Variants in ANKRD36C observed in about 807,000 individuals in gnomAD.
ANKRD36C encodes the protein ankyrin repeat domain 36C, also known as ankyrin repeat domain-containing protein 36C.
Under a neutral mutation model 276.4 loss-of-function variants are expected in ANKRD36C, and 61 were observed. The observed-to-expected ratio is 0.22, with a 90% confidence interval of 0.18 to 0.27. The LOEUF is 0.27. Among genes scored for constraint, ANKRD36C ranks in the 10% least tolerant of loss-of-function variants. ANKRD36C has a pLI of 1.00. For missense variants in ANKRD36C, 1,447 were observed against 2,032.3 expected (o/e 0.71, Z 5.54); for synonymous variants, 483 against 680.1 (o/e 0.71, Z 4.51).
intron 57 of ANKRD36C, 45 bp from the exon 78 acceptor site, chr2:95,880,544 G>T (rs1233780568): frequency 5.9e-6 from 9 of 1,532,844 alleles, no homozygotes; most frequent in Non-Finnish European, 8.0e-6. Context: ...GATGTATATT[G>T]GTATAGGTTA....
intron 59 of ANKRD36C, among the ~76,000 whole-genome samples, chr2:95,872,312 C>G (rs1043358488): frequency 2.0e-5 from 3 of 151,110 alleles, no homozygotes; most frequent in Admixed American, 6.6e-5. Flanking sequence ...GTATAACAAA[C>G]TGTCTGTCAG....
intron 6 of ANKRD36C, among the ~76,000 whole-genome samples, chr2:95,963,017 A>G (rs1328009643): frequency 6.6e-6 from 1 of 152,092 alleles, no homozygotes; most frequent in East Asian, 1.9e-4. Flanking sequence ...CACAATTATG[A>G]TGACACTTCA....
intron 38 of ANKRD36C, among the ~76,000 whole-genome samples, chr2:95,915,314 T>C (rs182122212): frequency 7.8e-4 from 119 of 151,684 alleles, no homozygotes; most frequent in African/African-American, 2.7e-3. Flanking sequence ...TGATGCCTAA[T>C]AGTAACAAAG....
chr2:95,880,347 T>G, intron 58 of ANKRD36C, 80 bp downstream of exon 78: 1 of 1,064,606 alleles, frequency 9.4e-7, no homozygotes, highest in Non-Finnish European at 1.4e-6. Flanking sequence ...AGTGAAATAA[T>G]TGAGAATAGA....
At chr2:95,953,941 C>G (rs1184925536) in exon 14 of ANKRD36C, 1 of 1,534,280 alleles carries the variant, frequency 6.5e-7, no homozygotes, top group Non-Finnish European at 8.7e-7. Flanking sequence ...TACTCTACCT[C>G]AGATTCCAAA....
intron 19 of ANKRD36C, among the ~76,000 whole-genome samples, chr2:95,943,806 TAA>T (rs887642275): frequency 1.3e-4 from 20 of 151,994 alleles, no homozygotes; most frequent in Admixed American, 8.5e-4. Flanking sequence ...ACTGAAATTT[TAA>T]AAAGTGAGGA....
chr2:95,915,166 A>G (rs1208595855), intron 38 of ANKRD36C, among the ~76,000 whole-genome samples: 1 of 151,562 alleles, frequency 6.6e-6, no homozygotes, highest in Non-Finnish European at 1.5e-5. Context: ...CCTTGTTAGG[A>G]GTATCATGTT....
At chr2:95,902,986 A>T in intron 42 of ANKRD36C, 28 bp from the exon 54 acceptor site, 1 of 1,577,576 alleles carries the variant, frequency 6.3e-7, no homozygotes, top group South Asian at 1.1e-5. Flanking sequence ...TGCAATAATA[A>T]ATTAATAAAG....
chr2:95,970,191 C>T (rs979095084), intron 6 of ANKRD36C, among the ~76,000 whole-genome samples: 5 of 152,190 alleles, frequency 3.3e-5, no homozygotes, highest in African/African-American at 7.2e-5. Flanking sequence ...AAAGACTTTT[C>T]AGCTGCCAAT....
chr2:95,937,166 T>C (rs1397707950), intron 22 of ANKRD36C, among the ~76,000 whole-genome samples: 1 of 152,118 alleles, frequency 6.6e-6, no homozygotes, highest in East Asian at 1.9e-4. Context: ...ATTACACCAT[T>C]ATGTGTTATG....
At chr2:95,915,903 C>T in intron 38 of ANKRD36C, 77 bp downstream of exon 40, 4 of 1,480,832 alleles carry the variant, frequency 2.7e-6, no homozygotes, top group Non-Finnish European at 3.6e-6. Flanking sequence ...CTTCGACCAG[C>T]CCCCCACTGA....
intron 19 of ANKRD36C, among the ~76,000 whole-genome samples, chr2:95,942,384 T>C (rs1225313193): frequency 6.6e-6 from 1 of 152,308 alleles, no homozygotes; most frequent in African/African-American, 2.4e-5. Flanking sequence ...ATTATGGTCA[T>C]CTGCATTTTT....
At chr2:95,985,700 C>T (rs2261805) in intron 3 of ANKRD36C, among the ~76,000 whole-genome samples, 1 of 152,214 alleles carries the variant, frequency 6.6e-6, no homozygotes, top group African/African-American at 2.4e-5. Flanking sequence ...TCAGTCTCAT[C>T]TCTCACTCAC....
chr2:95,880,767 C>T, intron 56 of ANKRD36C, 144 bp from the exon 77 acceptor site: 2 of 1,074,744 alleles, frequency 1.9e-6, no homozygotes, highest in East Asian at 5.2e-5. Flanking sequence ...TTCTTTGGGA[C>T]AGTAATATGA....
intron 52 of ANKRD36C, 40 bp from the exon 73 acceptor site, chr2:95,884,408 T>C: frequency 1.2e-6 from 2 of 1,610,196 alleles, no homozygotes; most frequent in Non-Finnish European, 1.7e-6. Context: ...CACATGCACG[T>C]ATGATAAAGT....
At chr2:95,976,143 G>A (rs1008366210) in intron 6 of ANKRD36C, among the ~76,000 whole-genome samples, 39 of 152,242 alleles carry the variant, frequency 2.6e-4, no homozygotes, top group African/African-American at 8.9e-4. Flanking sequence ...GTGCTGGACA[G>A]GATGTGGAGA....
chr2:95,871,872 C>A (rs1675821664), intron 59 of ANKRD36C, among the ~76,000 whole-genome samples: 1 of 150,912 alleles, frequency 6.6e-6, no homozygotes, highest in African/African-American at 2.4e-5. Flanking sequence ...CAATCCTAGT[C>A]TCTGATAAAA....
chr2:95,891,467 A>G (rs548384602), intron 46 of ANKRD36C, among the ~76,000 whole-genome samples, 198 bp downstream of exon 66: 2 of 151,522 alleles, frequency 1.3e-5, no homozygotes, highest in East Asian at 3.9e-4. Flanking sequence ...AATGGGGGGA[A>G]GTGTATACTC....
In ANKRD36C at chr2:95,928,249, T is replaced by G. The variant is rs552269765; in HGVS notation, c.1837+823A>C. Among the ~76,000 whole-genome samples, 6 of 151,792 alleles carry G rather than the reference T, an allele frequency of 4.0e-5. No individual in the cohort carries two copies. In the South Asian group the frequency reaches 1.0e-3, roughly 26 times the overall value. ...ATTTTTGTTTCTAAAATAGCCTTGT[T>G]GGAAGTATCATGTTAGTCTCTAAGG... On this transcript the variant is annotated intron_variant, in intron 26 of 66. Transcript: ENST00000456556.
Sources: gnomAD v4.1 joint callset for allele counts (sites outside exome capture counted in the v4.1 genomes callset) on GRCh38, gnomAD v4.1.1 for gene constraint, MANE v1.5 for transcripts, NCBI Gene and HGNC (gene_info 2026-07-23, HGNC 2026-07-21) for gene names.